PPARA: variants seen among roughly 807,000 people sequenced by gnomAD.
The protein encoded by PPARA is peroxisome proliferator-activated receptor alpha.
Under a neutral mutation model 42.2 loss-of-function variants are expected in PPARA, and 22 were observed. That is an observed-to-expected ratio of 0.52 (90% CI 0.37 to 0.74). PPARA has a LOEUF of 0.74. Among genes scored for constraint, PPARA ranks in the 30% least tolerant of loss-of-function variants. The pLI is 0.00. For missense variants in PPARA, 465 were observed against 608.2 expected, an observed-to-expected ratio of 0.76 and a Z score of 2.48; for synonymous variants, 242 against 239.3, an observed-to-expected ratio of 1.01 and a Z score of -0.10.
Position 46,150,649 on chromosome 22 carries a change from C to A in PPARA, c.-213C>A, listed in dbSNP as rs1024853936. On this transcript the variant is annotated 5_prime_UTR_variant, in exon 1 of 9. Transcript: ENST00000407236. This position sits in a 1 kb window ranked among gnomAD's most constrained non-coding sequence, Gnocchi z 7.5. The stretch of plus-strand genomic sequence containing the variant: ...GGACCGGCAGGCGGCGGACCGCGGC[C>A]CAGGTGCCCGGGGGCGGGCGGGCGG... 7.1e-6 allele frequency: 1 copy of A among 141,612 alleles called. No homozygotes were observed. Among genetic ancestry groups the A allele is most frequent in the African/African-American group, 2.5e-5 (1 of 39,420 alleles). 8.8% of individuals were successfully genotyped at this position (141,612 alleles called of 1,614,324 possible).
At chr22:46,154,988 T>TAAAAAAAAAA (rs71190699) in intron 2 of PPARA, 5 of 31,002 alleles carry the variant, frequency 1.6e-4, no homozygotes, top group African/African-American at 3.2e-4. Context: ...GGTCTTTCTT[T>TAAAAAAAAAA]AAAAAAAAAA....
intron 2 of PPARA, among the ~76,000 whole-genome samples, chr22:46,175,443 G>C (rs1928881615): frequency 6.6e-6 from 1 of 152,116 alleles, no homozygotes; most frequent in African/African-American, 2.4e-5. Context: ...GCCGGGCGCG[G>C]TGGCTCACGC....
At chr22:46,185,944 T>TAC (rs1569207822) in intron 3 of PPARA, among the ~76,000 whole-genome samples, 3 of 50,288 alleles carry the variant, frequency 6.0e-5, no homozygotes, top group Admixed American at 5.2e-4. Flanking sequence ...TATATATATA[T>TAC]ATATATATAT....
At position 46,210,692 on chromosome 22, in the gene PPARA, C is replaced by G. The variant is rs560190245; in HGVS notation, c.209-4481C>G. On this transcript the variant is annotated intron_variant, in intron 4 of 8. Transcript: ENST00000407236. ...CTCTTGACCTCAAGTGATCCGCCCACCTCGGCCTCCCAAAGTGCTAGGATT... is the reference window on the plus strand; with the variant it reads ...CTCTTGACCTCAAGTGATCCGCCCAGCTCGGCCTCCCAAAGTGCTAGGATT... 3.0e-3 allele frequency among the ~76,000 whole-genome samples: 455 copies of G among 152,288 alleles called. 1 individual carries two copies. The highest frequency in any genetic ancestry group is 5.6e-3 in the Non-Finnish European group (384 of 68,022).
At chr22:46,176,131 C>G (rs1343791092) in intron 2 of PPARA, 5 of 146,204 alleles carry the variant, frequency 3.4e-5, no homozygotes, top group Non-Finnish European at 6.0e-5. Context: ...ATAGCAAGAC[C>G]CTGTCATTCA....
chr22:46,150,765 G>A lies in PPARA; in HGVS notation c.-210+113G>A, dbSNP rs562458486. Reference sequence around the variant, plus strand: ...CGGACGGGGGAGGGGCAGGGGCTGGGCGGCGCATGCGCGGGGCCCGGGGTC... The same window carrying A: ...CGGACGGGGGAGGGGCAGGGGCTGGACGGCGCATGCGCGGGGCCCGGGGTC... On this transcript the variant is annotated intron_variant, in intron 1 of 8. Transcript: ENST00000407236. This position sits in a 1 kb window ranked among gnomAD's most constrained non-coding sequence, Gnocchi z 7.5. 3.0e-3 allele frequency: 450 copies of A among 150,836 alleles called. 9 individuals carry two copies. The highest frequency in any genetic ancestry group is 0.01 in the African/African-American group (419 of 41,198). The allele number at this position is 150,836 out of a possible 1,614,324, so 9.3% of individuals were successfully genotyped here.
intron 7 of PPARA, among the ~76,000 whole-genome samples, chr22:46,226,191 CCA>C (rs1158197075): frequency 6.6e-6 from 1 of 151,578 alleles, no homozygotes; most frequent in Non-Finnish European, 1.5e-5. Flanking sequence ...ACACGCATAC[CCA>C]CACTCACATG....
chr22:46,154,217 G>A (rs1924905345), intron 2 of PPARA, among the ~76,000 whole-genome samples: 1 of 152,188 alleles, frequency 6.6e-6, no homozygotes, highest in Non-Finnish European at 1.5e-5. Flanking sequence ...TCCTCATCAT[G>A]GTAAAAGATG....
chr22:46,172,823 C>T (rs1018519643), intron 2 of PPARA, among the ~76,000 whole-genome samples: 1 of 152,150 alleles, frequency 6.6e-6, no homozygotes, highest in Admixed American at 6.5e-5. Flanking sequence ...TAGGAAGCCT[C>T]GTTGCTTTGA....
rs2147443125 is a variant in PPARA at position 46,204,821 on chromosome 22, TCTA to T, written c.208+6233_208+6235del. The stretch of plus-strand genomic sequence containing the variant: ...GTGTGTGGTTTGTCTTTCTTTTCTT[TCTA>T]CTGATAGTATCTTAAAAAAAAAAAA... On this transcript the variant is annotated intron_variant, in intron 4 of 8. Coordinates refer to ENST00000407236, the MANE Select transcript of PPARA (RefSeq NM_005036.6). This position sits in a 1 kb window ranked among gnomAD's most constrained non-coding sequence, Gnocchi z 5.2. Among the ~76,000 whole-genome samples, 1 of 152,100 alleles carries T rather than the reference TCTA, an allele frequency of 6.6e-6. No homozygotes were observed. Among genetic ancestry groups the T allele is most frequent in the Non-Finnish European group, 1.5e-5 (1 of 68,004 alleles).
At position 46,231,729 on chromosome 22, in the gene PPARA, C is replaced by A; in HGVS notation, c.712-63C>A. 6.6e-7 allele frequency: 1 copy of A among 1,518,886 alleles called. No homozygotes were observed. The highest frequency in any genetic ancestry group is 9.0e-7 in the Non-Finnish European group (1 of 1,107,004). 94.1% of individuals were successfully genotyped at this position (1,518,886 alleles called of 1,614,324 possible). ...GACGCAGGAGCTGCTCATTAGTGAG[C>A]TGATAGCTGGGAGCATAGCGCATCC... On this transcript the variant is annotated intron_variant, in intron 7 of 8. Transcript: ENST00000407236. The surrounding 1 kb of genome is among the most constrained non-coding windows in gnomAD (Gnocchi z 7.7).
Position 46,190,817 on chromosome 22 carries a change from G to C in PPARA, c.-42-7525G>C, listed in dbSNP as rs1931436818. On this transcript the variant is annotated intron_variant, in intron 3 of 8. Transcript: ENST00000407236. This position sits in a 1 kb window ranked among gnomAD's most constrained non-coding sequence, Gnocchi z 5.6. ...CATTTGTTGGTTGTCTTGAGTGTCT[G>C]ATCACATAGAATATAAAGATGTTTT... 6.6e-6 allele frequency among the ~76,000 whole-genome samples: 1 copy of C among 152,150 alleles called. No individual in the cohort carries two copies. The highest frequency in any genetic ancestry group is 2.4e-5 in the African/African-American group (1 of 41,436).
At chr22:46,228,094 C>T (rs996994896) in intron 7 of PPARA, among the ~76,000 whole-genome samples, 3 of 152,234 alleles carry the variant, frequency 2.0e-5, no homozygotes, top group African/African-American at 7.2e-5. Flanking sequence ...CAGAAGTCCT[C>T]ATTTACGAGA....
Position 46,162,741 on chromosome 22 carries a change from C to A in PPARA, c.-127+10771C>A, listed in dbSNP as rs1926397007. On this transcript the variant is annotated intron_variant, in intron 2 of 8. Transcript: ENST00000407236. The surrounding 1 kb of genome is among the most constrained non-coding windows in gnomAD (Gnocchi z 6.0). ...TGCCGGGTACCCACCGGTTGAGATA[C>A]CTCAAGTTTTAAATGCCACCTCCTT... Among the ~76,000 whole-genome samples, 1 of 151,958 alleles carries A rather than the reference C, an allele frequency of 6.6e-6. No individual in the cohort carries two copies. Among genetic ancestry groups the A allele is most frequent in the Admixed American group, 6.5e-5 (1 of 15,280 alleles).
At chr22:46,228,044 G>A (rs772482519) in intron 7 of PPARA, among the ~76,000 whole-genome samples, 1 of 152,192 alleles carries the variant, frequency 6.6e-6, no homozygotes, top group Non-Finnish European at 1.5e-5. Context: ...TAAAACCAAA[G>A]TGATAATTTT....
At chr22:46,177,939 T>C (rs1163207387) in intron 3 of PPARA, among the ~76,000 whole-genome samples, 1 of 152,138 alleles carries the variant, frequency 6.6e-6, no homozygotes, top group Non-Finnish European at 1.5e-5. Context: ...AGAAGGCATA[T>C]CTTGAGGCTT....
chr22:46,212,681 G>T lies in PPARA; in HGVS notation c.209-2492G>T, dbSNP rs953502479. ...CTATTCACCTATCTAAGGGCATCTTGGTTGCTTCCAATTTTTGGCAATTAA... is the reference window on the plus strand; with the variant it reads ...CTATTCACCTATCTAAGGGCATCTTTGTTGCTTCCAATTTTTGGCAATTAA... On this transcript the variant is annotated intron_variant, in intron 4 of 8. Coordinates refer to ENST00000407236, the MANE Select transcript of PPARA (RefSeq NM_005036.6). The surrounding 1 kb of genome is among the most constrained non-coding windows in gnomAD (Gnocchi z 4.2). Among the ~76,000 whole-genome samples, 3 of 152,098 alleles carry T rather than the reference G, an allele frequency of 2.0e-5. No individual in the cohort carries two copies. Among genetic ancestry groups the T allele is most frequent in the Admixed American group, 6.6e-5 (1 of 15,256 alleles).
chr22:46,192,720 C>G lies in PPARA; in HGVS notation c.-42-5622C>G, dbSNP rs575059035. Reference sequence around the variant, plus strand: ...GTTTACAATAGCTAAGATTTGGAAGCAACCTAAGTGTCCATCACCAGACAA... The same window carrying G: ...GTTTACAATAGCTAAGATTTGGAAGGAACCTAAGTGTCCATCACCAGACAA... On this transcript the variant is annotated intron_variant, in intron 3 of 8. Transcript: ENST00000407236. This position sits in a 1 kb window ranked among gnomAD's most constrained non-coding sequence, Gnocchi z 4.3. Among the ~76,000 whole-genome samples, 18 of 152,258 alleles carry G rather than the reference C, an allele frequency of 1.2e-4. No homozygotes were observed. The highest frequency in any genetic ancestry group is 2.2e-4 in the Non-Finnish European group (15 of 68,020).
At position 46,231,962 on chromosome 22, in the gene PPARA, C is replaced by T. The variant is rs1335489361; in HGVS notation, c.882C>T (p.Ile294=). The T allele has an allele frequency of 1.9e-6, 3 of 1,614,244 alleles. No individual in the cohort carries two copies. The highest frequency in any genetic ancestry group is 1.7e-6 in the Non-Finnish European group (2 of 1,180,052). ...VTELTEFAKA[I]PGFANLDLND... is the part of the protein sequence containing the mutation. ...AGCTCACGGAATTCGCCAAGGCCAT[C>T]CCAGGCTTCGCAAACTTGGACCTGA... The change falls in exon 8 of 9, where the codon ATC becomes ATT. Residue 294 remains isoleucine (I), a synonymous_variant. Coordinates refer to ENST00000407236, the MANE Select transcript of PPARA (RefSeq NM_005036.6). This position sits in a 1 kb window ranked among gnomAD's most constrained non-coding sequence, Gnocchi z 7.7.
Sources: gnomAD v4.1 joint callset for allele counts (sites outside exome capture counted in the v4.1 genomes callset) on GRCh38, gnomAD v4.1.1 for gene constraint, Gnocchi (gnomAD v3.1) non-coding constraint, MANE v1.5 for transcripts, NCBI Gene and HGNC (gene_info 2026-07-23, HGNC 2026-07-21) for gene names.